Variants in ARHGEF17 observed in about 807,000 individuals in gnomAD.
ARHGEF17 encodes 164 kDa Rho-specific guanine-nucleotide exchange factor.
In ARHGEF17, 80 loss-of-function variants were observed where a neutral mutation model predicts 174.0. The observed-to-expected ratio is 0.46, with a 90% CI of 0.38 to 0.55. ARHGEF17 has a LOEUF of 0.55. Among genes scored for constraint, ARHGEF17 ranks in the 20% least tolerant of loss-of-function variants. The probability of loss-of-function intolerance (pLI) is 0.00; values close to 1 mark genes in which losing one functional copy is unlikely to be tolerated. For missense variants in ARHGEF17, 2,886 were observed against 2,839.7 expected (o/e 1.02, Z -0.37); for synonymous variants, 1,311 against 1,189.1 (o/e 1.10, Z -2.11).
In ARHGEF17 at chr11:73,332,350, CGTGTGTGTGTGTGTGTGT is replaced by C. The variant is rs58725771; in HGVS notation, c.3193-14492_3193-14475del. 5.5e-3 allele frequency among the ~76,000 whole-genome samples: 666 copies of C among 120,742 alleles called. 9 individuals carry two copies. Among genetic ancestry groups the C allele is most frequent in the African/African-American group, 0.018 (588 of 33,394 alleles). The allele number at this position is 120,742 out of a possible 152,430, so 79.2% of individuals were successfully genotyped here. A position where few individuals can be genotyped will look rare whatever the true frequency, so the allele number is the denominator to read the frequency against. ...TATATTTCCCTCCAGGCTTTTTCTC[CGTGTGTGTGTGTGTGTGT>C]GTGTGTGTGTGTGTGTGTGTGTGTG... On this transcript the variant is annotated intron_variant, in intron 1 of 20. Coordinates refer to ENST00000263674, the MANE Select transcript of ARHGEF17 (RefSeq NM_014786.4).
chr11:73,335,012 A>G (rs1431822893), intron 1 of ARHGEF17, among the ~76,000 whole-genome samples: 2 of 152,164 alleles, frequency 1.3e-5, no homozygotes, highest in Non-Finnish European at 2.9e-5. Flanking sequence ...TTTGAATGAA[A>G]TAACTTTTAG....
intron 14 of ARHGEF17, 51 bp from the exon 15 acceptor site, chr11:73,363,155 G>T (rs1296872502): frequency 6.8e-7 from 1 of 1,476,486 alleles, no homozygotes. Context: ...AAGATATCAG[G>T]TCCCAGGCCT....
chr11:73,309,292 T>C lies in ARHGEF17; in HGVS notation c.654T>C (p.His218=). ...CAGCGGATGGTTTACATTCTTGGCATATCTTCTCCCAACCGCAGGCCGGGG... is the reference window on the plus strand; with the variant it reads ...CAGCGGATGGTTTACATTCTTGGCACATCTTCTCCCAACCGCAGGCCGGGG... The part of the protein sequence containing the change: ...QRPADGLHSW[H]IFSQPQAGAR... Residue 218 remains histidine, a synonymous_variant, in exon 1 of 21, where the codon CAT becomes CAC. Coordinates refer to ENST00000263674, the MANE Select transcript of ARHGEF17 (RefSeq NM_014786.4). The C allele has an allele frequency of 6.2e-7, 1 of 1,612,140 alleles. No individual in the cohort carries two copies. Among genetic ancestry groups the C allele is most frequent in the Non-Finnish European group, 8.5e-7 (1 of 1,179,642 alleles).
intron 9 of ARHGEF17, among the ~76,000 whole-genome samples, chr11:73,359,615 A>G (rs1865702544): frequency 6.6e-6 from 1 of 152,184 alleles, no homozygotes; most frequent in Admixed American, 6.5e-5. Flanking sequence ...CCTGCGCCAC[A>G]TGGCTCTGAA....
rs749409166 is a variant in ARHGEF17 at position 73,309,339 on chromosome 11, C to CCTT, written c.703_704insTCT (p.Ser234_Ser235insPhe). The CCTT allele has an allele frequency of 6.2e-7, 1 of 1,610,452 alleles. No individual in the cohort carries two copies. Among genetic ancestry groups the CCTT allele is most frequent in the South Asian group, 1.1e-5 (1 of 90,960 alleles). On this transcript the variant is annotated inframe_insertion, in exon 1 of 21. Transcript: ENST00000263674. Reference sequence around the variant, plus strand: ...GGGGCCCGGGCCTCCTGCTCCTCCTCCTCCATCGCCGCCTCCTATCCTGTC... The same window carrying CCTT: ...GGGGCCCGGGCCTCCTGCTCCTCCTCCTTCTCCATCGCCGCCTCCTATCCTGTC...
chr11:73,365,703 C>T lies in ARHGEF17; in HGVS notation c.5751C>T (p.His1917=). ...GCTCGGATGCCATCATCCGGCAGCA[C>T]AAGGCTGCCTGTCTGCGAATCACAG... ...LAGSDAIIRQ[H]KAACLRITAL... The change falls in exon 20 of 21, where the codon CAC becomes CAT. Residue 1917 remains histidine (H), a synonymous_variant. Coordinates refer to ENST00000263674, the MANE Select transcript of ARHGEF17 (RefSeq NM_014786.4). The surrounding 1 kb of genome is among the most constrained non-coding windows in gnomAD (Gnocchi z 4.9). The T allele has an allele frequency of 6.2e-7, 1 of 1,613,484 alleles. No homozygotes were observed.
chr11:73,341,823 A>G (rs1865374277), intron 1 of ARHGEF17, among the ~76,000 whole-genome samples: 1 of 152,188 alleles, frequency 6.6e-6, no homozygotes, highest in South Asian at 2.1e-4. Flanking sequence ...CTCAGGGGAA[A>G]GCAGGTTTGG....
At chr11:73,356,945 G>T in intron 7 of ARHGEF17, 80 bp from the exon 8 acceptor site, 1 of 1,521,490 alleles carries the variant, frequency 6.6e-7, no homozygotes, top group Non-Finnish European at 9.1e-7. Context: ...GGGTCTCAGT[G>T]TCCCCTTGGG....
chr11:73,313,013 A>C (rs758630901), intron 1 of ARHGEF17, among the ~76,000 whole-genome samples: 1 of 151,964 alleles, frequency 6.6e-6, no homozygotes, highest in East Asian at 1.9e-4. Context: ...GGTTACTTCA[A>C]CTGTGGCCTG....
At chr11:73,351,509 A>T (rs375449812) in intron 2 of ARHGEF17, among the ~76,000 whole-genome samples, 1 of 152,216 alleles carries the variant, frequency 6.6e-6, no homozygotes, top group Non-Finnish European at 1.5e-5. Flanking sequence ...AACAGCGTTC[A>T]GAAAGTGTCA....
intron 1 of ARHGEF17, among the ~76,000 whole-genome samples, chr11:73,336,337 A>G (rs1865286098): frequency 6.6e-6 from 1 of 152,254 alleles, no homozygotes; most frequent in African/African-American, 2.4e-5. Flanking sequence ...CTCACTAAAC[A>G]TTAGCCAGCT....
chr11:73,309,653 G>A lies in ARHGEF17; in HGVS notation c.1015G>A (p.Glu339Lys), dbSNP rs781368552. ...PPTSPRAPRE[E>K]GLREWGSGSP... is the part of the protein sequence containing the mutation. Reference sequence around the variant, plus strand: ...AACATCTCCAAGAGCCCCTAGAGAAGAAGGACTCCGGGAGTGGGGTAGTGG... The same window carrying A: ...AACATCTCCAAGAGCCCCTAGAGAAAAAGGACTCCGGGAGTGGGGTAGTGG... Residue 339 changes from glutamate to lysine, a missense_variant, in exon 1 of 21, where the codon GAA (glutamate) becomes AAA (lysine). Physicochemically the swap from Glu to Lys is moderately conservative, Grantham distance 56. Transcript: ENST00000263674. The A allele has an allele frequency of 3.7e-6, 6 of 1,613,098 alleles. No homozygotes were observed. The East Asian group carries it at 1.3e-4, about 36-fold the overall frequency.
Position 73,367,564 on chromosome 11 carries a change from A to G in ARHGEF17, c.5996-20A>G. On this transcript the variant is annotated intron_variant, in intron 20 of 20. Coordinates refer to ENST00000263674, the MANE Select transcript of ARHGEF17 (RefSeq NM_014786.4). ...CCTCCATTCGCCCCCAAGCTGACAG[A>G]TCCTCCCCTCTGCCCCCAGGCCCCG... 2 of 1,598,304 alleles carry G rather than the reference A, an allele frequency of 1.3e-6. No homozygotes were observed. Among genetic ancestry groups the G allele is most frequent in the Non-Finnish European group, 1.7e-6 (2 of 1,169,842 alleles).
Position 73,365,238 on chromosome 11 carries a change from G to A in ARHGEF17, c.5551-152G>A. ...TAATTCCTGAGAACTAAGTTGGGAG[G>A]TGCTGGTGAAACCAAGCTTCGAAAG... is the stretch of plus-strand genomic sequence containing the variant. On this transcript the variant is annotated intron_variant, in intron 18 of 20. Transcript: ENST00000263674. The surrounding 1 kb of genome is among the most constrained non-coding windows in gnomAD (Gnocchi z 4.9). 1.3e-6 allele frequency: 1 copy of A among 755,208 alleles called. No homozygotes were observed. The highest frequency in any genetic ancestry group is 1.8e-5 in the South Asian group (1 of 54,952). The allele number at this position is 755,208 out of a possible 1,614,324, so 46.8% of individuals were successfully genotyped here.
chr11:73,320,286 G>C (rs1471286794), intron 1 of ARHGEF17, among the ~76,000 whole-genome samples: 1 of 152,110 alleles, frequency 6.6e-6, no homozygotes, highest in Non-Finnish European at 1.5e-5. Context: ...CTCCCCCGAG[G>C]CTGTAGTCGA....
At chr11:73,353,817 T>G (rs932926887) in intron 3 of ARHGEF17, among the ~76,000 whole-genome samples, 1 of 152,200 alleles carries the variant, frequency 6.6e-6, no homozygotes, top group African/African-American at 2.4e-5. Context: ...CAATAAGCAT[T>G]TAATTAAATG....
chr11:73,354,715 C>CAA (rs369363433), intron 3 of ARHGEF17, among the ~76,000 whole-genome samples: 46 of 91,546 alleles, frequency 5.0e-4, no homozygotes, highest in Non-Finnish European at 1.5e-4. Context: ...GACTCCGTCT[C>CAA]AAAAAAAAAA....
intron 20 of ARHGEF17, among the ~76,000 whole-genome samples, chr11:73,366,202 G>T (rs1163667250): frequency 6.6e-6 from 1 of 152,070 alleles, no homozygotes; most frequent in African/African-American, 2.4e-5. Context: ...TGAGAGACAG[G>T]GAGGGAACTA....
chr11:73,356,249 G>C lies in ARHGEF17; in HGVS notation c.3738G>C (p.Gln1246His). ...TGGAGGCGCAGCGGAACATCAAGCA[G>C]GTGGCTGAGCGCATCAACAAGGGTG... is the stretch of plus-strand genomic sequence containing the variant. Reference protein sequence around the residue: ...LLLEAQRNIKQVAERINKGVR... With the variant: ...LLLEAQRNIKHVAERINKGVR... The change falls in exon 6 of 21, where the codon CAG becomes CAC. Residue 1246 changes from glutamine (Q) to histidine (H), a missense_variant. Coordinates refer to ENST00000263674, the MANE Select transcript of ARHGEF17 (RefSeq NM_014786.4). 1 of 1,613,962 alleles carries C rather than the reference G, an allele frequency of 6.2e-7. No homozygotes were observed. Among genetic ancestry groups the C allele is most frequent in the South Asian group, 1.1e-5 (1 of 91,062 alleles).
Sources: gnomAD v4.1 joint callset for allele counts (sites outside exome capture counted in the v4.1 genomes callset) on GRCh38, gnomAD v4.1.1 for gene constraint, Gnocchi (gnomAD v3.1) non-coding constraint, MANE v1.5 for transcripts, NCBI Gene and HGNC (gene_info 2026-07-23, HGNC 2026-07-21) for gene names.